Variants in SNX8 observed in about 807,000 individuals in gnomAD.
SNX8 encodes the protein sorting nexin-8.
Under a neutral mutation model 51.6 loss-of-function variants are expected in SNX8, and 25 were observed. The observed-to-expected ratio is 0.48, with a 90% CI of 0.35 to 0.68. The LOEUF is 0.68. Ranked by LOEUF, SNX8 falls within the 30% of genes least tolerant of loss-of-function variation. The pLI, the probability that SNX8 is intolerant of heterozygous loss-of-function variation, is 0.00. For synonymous variants in SNX8, 324 were observed against 277.0 expected, an observed-to-expected ratio of 1.17 and a Z score of -1.68; for missense variants, 695 against 624.0, an observed-to-expected ratio of 1.11 and a Z score of -1.21.
chr7:2,289,874 G>C (rs1452653445), intron 1 of SNX8, among the ~76,000 whole-genome samples: 1 of 152,090 alleles, frequency 6.6e-6, no homozygotes, highest in African/African-American at 2.4e-5. Flanking sequence ...TCCTGCCTGG[G>C]CAACAGAGCA....
chr7:2,330,950 C>T (rs545348243), intron 1 of SNX8, among the ~76,000 whole-genome samples: 14 of 151,832 alleles, frequency 9.2e-5, no homozygotes, highest in East Asian at 5.8e-4. Flanking sequence ...TTTGGGAGGC[C>T]GAGGCAGGTG....
In SNX8 at chr7:2,275,728, G is replaced by T. The variant is rs533590777; in HGVS notation, c.301-499C>A. ...AAAAAATTAAAAAAGGCCGGGCGCG[G>T]TGGCTCACGCCTGCATTCCCAGCAC... On this transcript the variant is annotated intron_variant, in intron 2 of 10. Transcript: ENST00000222990. Among the ~76,000 whole-genome samples, 5 of 152,234 alleles carry T rather than the reference G, an allele frequency of 3.3e-5. No homozygotes were observed. The South Asian group carries it at 6.2e-4, about 19-fold the overall frequency.
At chr7:2,278,075 G>GAC in intron 2 of SNX8, 25 bp downstream of exon 2, 1 of 1,606,808 alleles carries the variant, frequency 6.2e-7, no homozygotes, top group Non-Finnish European at 8.5e-7. Context: ...CTCCTGCCCC[G>GAC]ACACACACAC....
At position 2,278,568 on chromosome 7, in the gene SNX8, C is replaced by T. The variant is rs889522710; in HGVS notation, c.95-263G>A. 3.9e-5 allele frequency among the ~76,000 whole-genome samples: 6 copies of T among 152,196 alleles called. No individual in the cohort carries two copies. In the South Asian group the frequency reaches 1.2e-3, roughly 31 times the overall value. Reference sequence around the variant, plus strand: ...CTCTGGCCACGTCATGCAACAGGTCCCATCGTCAGCCAGCCACACTCACTC... The same window carrying T: ...CTCTGGCCACGTCATGCAACAGGTCTCATCGTCAGCCAGCCACACTCACTC... On this transcript the variant is annotated intron_variant, in intron 1 of 10. Coordinates refer to ENST00000222990, the MANE Select transcript of SNX8 (RefSeq NM_013321.4).
At chr7:2,262,172 G>A (rs983014377) in intron 7 of SNX8, among the ~76,000 whole-genome samples, 13 of 152,022 alleles carry the variant, frequency 8.6e-5, no homozygotes, top group African/African-American at 2.9e-4. Context: ...TGAGTAGCTG[G>A]GACTACAGAC....
intron 1 of SNX8, among the ~76,000 whole-genome samples, chr7:2,329,757 G>A (rs1417908664): frequency 6.6e-6 from 1 of 152,080 alleles, no homozygotes; most frequent in African/African-American, 2.4e-5. Flanking sequence ...GCACGGGGAG[G>A]GGTATGGAAG....
chr7:2,314,585 C>A (rs140165574), upstream of SNX8: 1 of 642,582 alleles, frequency 1.6e-6, no homozygotes, highest in Non-Finnish European at 2.0e-6. Flanking sequence ...CGCCCGGCCT[C>A]GCCACGCCTA....
At chr7:2,316,019 C>CCACT (rs993772072), upstream of SNX8, among the ~76,000 whole-genome samples, 1 of 142,420 alleles carries the variant, frequency 7.0e-6, no homozygotes, top group Non-Finnish European at 1.5e-5. Context: ...ATTCATTCAC[C>CCACT]CACTCACTCA....
At chr7:2,350,943 C>T (rs957292713) in intron 1 of SNX8, among the ~76,000 whole-genome samples, 14 of 151,918 alleles carry the variant, frequency 9.2e-5, no homozygotes, top group African/African-American at 3.4e-4. Flanking sequence ...CACTGTGCCT[C>T]GCTCTCTAAA....
At chr7:2,304,166 CA>C (rs554309852) in intron 1 of SNX8, among the ~76,000 whole-genome samples, 943 of 76,576 alleles carry the variant, frequency 0.012, 5 homozygotes, top group South Asian at 0.036. Context: ...GACTCCGTCT[CA>C]AAAAAAAAAA....
intron 1 of SNX8, among the ~76,000 whole-genome samples, chr7:2,312,346 T>C (rs4442022): frequency 0.39 from 59,322 of 151,898 alleles, 13,496 homozygotes; most frequent in African/African-American, 0.64. Flanking sequence ...CCTCCAGCAA[T>C]GCCAAATTGC....
intron 1 of SNX8, among the ~76,000 whole-genome samples, chr7:2,346,785 T>C (rs1479167299): frequency 7.0e-6 from 1 of 141,958 alleles, no homozygotes; most frequent in Non-Finnish European, 1.5e-5. Flanking sequence ...CCAAGTATGG[T>C]GGCTCACACC....
intron 1 of SNX8, among the ~76,000 whole-genome samples, chr7:2,294,782 C>A (rs1584712917): frequency 6.6e-6 from 1 of 152,168 alleles, no homozygotes. Context: ...CACCTGTAAT[C>A]CCAGCACTTT....
intron 1 of SNX8, among the ~76,000 whole-genome samples, chr7:2,309,279 T>C (rs1796612986): frequency 6.6e-6 from 1 of 152,086 alleles, no homozygotes; most frequent in South Asian, 2.1e-4. Flanking sequence ...CCCAGCACTT[T>C]GGGAGGCCAA....
intron 3 of SNX8, among the ~76,000 whole-genome samples, chr7:2,274,606 G>C (rs754105645): frequency 1.3e-5 from 2 of 152,236 alleles, no homozygotes; most frequent in Non-Finnish European, 2.9e-5. Flanking sequence ...TGAGGCAGCC[G>C]TGTGCTGCTT....
chr7:2,341,603 T>TA (rs1213570807), intron 1 of SNX8, among the ~76,000 whole-genome samples: 14 of 152,004 alleles, frequency 9.2e-5, no homozygotes, highest in African/African-American at 2.9e-4. Context: ...GCCCAGGAGT[T>TA]AGAGGCTGCA....
intron 7 of SNX8, among the ~76,000 whole-genome samples, chr7:2,260,058 T>C (rs865853241): frequency 3.9e-5 from 6 of 151,902 alleles, no homozygotes; most frequent in African/African-American, 7.2e-5. Flanking sequence ...GGTAGGTAGG[T>C]CTGTGTGTAA....
Position 2,276,666 on chromosome 7 carries a change from T to C in SNX8, c.300+1434A>G, listed in dbSNP as rs1376994136. The stretch of plus-strand genomic sequence containing the variant: ...TTAAAAAAAAAAAAAAAAAAAAGAC[T>C]GGGCATGGTGGCTCACGCCTGTAAT... On this transcript the variant is annotated intron_variant, in intron 2 of 10. Transcript: ENST00000222990. 1.0e-4 allele frequency among the ~76,000 whole-genome samples: 15 copies of C among 144,634 alleles called. No homozygotes were observed. In the East Asian group the frequency reaches 2.4e-3, roughly 23 times the overall value. The allele number at this position is 144,634 out of a possible 152,430, so 94.9% of individuals were successfully genotyped here. A position where few individuals can be genotyped will look rare whatever the true frequency, so the allele number is the denominator to read the frequency against.
At chr7:2,345,648 C>G (rs1023766855) in intron 1 of SNX8, among the ~76,000 whole-genome samples, 1 of 150,386 alleles carries the variant, frequency 6.6e-6, no homozygotes, top group African/African-American at 2.4e-5. Flanking sequence ...ACTACACACT[C>G]TAGCCTGGGC....
Sources: allele counts gnomAD v4.1 joint callset (sites outside exome capture counted in the v4.1 genomes callset), GRCh38; gene constraint gnomAD v4.1.1; transcripts MANE v1.5; gene names NCBI Gene and HGNC (gene_info 2026-07-23, HGNC 2026-07-21).